SLC24A2: variants seen among roughly 807,000 people sequenced by gnomAD.
The protein encoded by SLC24A2 is sodium/potassium/calcium exchanger 2.
A neutral mutation model predicts 62.0 loss-of-function variants in SLC24A2; 36 were observed. The ratio of observed to expected loss-of-function variants is 0.58; its 90% CI spans 0.44 to 0.77. The LOEUF is 0.77. Among genes scored for constraint, SLC24A2 ranks in the 30% least tolerant of loss-of-function variants. SLC24A2 has a pLI of 0.00. For synonymous variants in SLC24A2, 358 were observed against 294.0 expected, an observed-to-expected ratio of 1.22 and a Z score of -2.23; for missense variants, 846 against 817.9, an observed-to-expected ratio of 1.03 and a Z score of -0.42.
At chr9:19,554,265 C>T (rs776944530) in intron 7 of SLC24A2, among the ~76,000 whole-genome samples, 4 of 152,166 alleles carry the variant, frequency 2.6e-5, no homozygotes, top group Admixed American at 6.5e-5. Context: ...GGACTTCTAG[C>T]GTCCAGAACT....
chr9:19,890,400 C>T, the SLC24A2 span, among the ~76,000 whole-genome samples: 1 of 152,104 alleles, frequency 6.6e-6, no homozygotes, highest in African/African-American at 2.4e-5. Flanking sequence ...TCCAAGTTGC[C>T]AGTGATCCAA....
At chr9:20,002,967 G>A in the SLC24A2 span, among the ~76,000 whole-genome samples, 2 of 152,140 alleles carry the variant, frequency 1.3e-5, no homozygotes, top group African/African-American at 4.8e-5. Flanking sequence ...TCTGTGCTTG[G>A]TTTAATGGTC....
chr9:20,031,928 A>G, the SLC24A2 span, among the ~76,000 whole-genome samples: 1 of 152,198 alleles, frequency 6.6e-6, no homozygotes, highest in South Asian at 2.1e-4. Flanking sequence ...AAATACTCCC[A>G]TAATCACCGA....
At chr9:20,252,481 T>C in the SLC24A2 span, among the ~76,000 whole-genome samples, 4 of 152,208 alleles carry the variant, frequency 2.6e-5, no homozygotes, top group Non-Finnish European at 5.9e-5. Context: ...CTAGTCTTTC[T>C]ACTACACCAC....
chr9:20,198,597 G>A, the SLC24A2 span, among the ~76,000 whole-genome samples: 1 of 152,112 alleles, frequency 6.6e-6, no homozygotes, highest in Non-Finnish European at 1.5e-5. Flanking sequence ...ATATACTCAT[G>A]GCTGGGTGGG....
At chr9:19,961,023 G>GCGT in the SLC24A2 span, among the ~76,000 whole-genome samples, 1 of 141,618 alleles carries the variant, frequency 7.1e-6, no homozygotes, top group Non-Finnish European at 1.5e-5. Context: ...TAGAGGGGTG[G>GCGT]GTGTGTGTGT....
At chr9:20,167,667 C>G in the SLC24A2 span, among the ~76,000 whole-genome samples, 1 of 151,988 alleles carries the variant, frequency 6.6e-6, no homozygotes, top group Non-Finnish European at 1.5e-5. Context: ...ACTAGAACAT[C>G]TTGTTGTTCC....
the SLC24A2 span, among the ~76,000 whole-genome samples, chr9:20,264,049 T>C: frequency 1.3e-5 from 2 of 152,132 alleles, no homozygotes; most frequent in Admixed American, 1.3e-4. Flanking sequence ...TGCTTCTTCC[T>C]CCTGCCAATC....
At chr9:19,833,525 G>T in the SLC24A2 span, among the ~76,000 whole-genome samples, 10 of 152,238 alleles carry the variant, frequency 6.6e-5, no homozygotes, top group Non-Finnish European at 1.2e-4. Context: ...AGCGAGGCTG[G>T]GGGAGGGGCG....
At chr9:20,098,480 T>C in the SLC24A2 span, among the ~76,000 whole-genome samples, 1 of 152,204 alleles carries the variant, frequency 6.6e-6, no homozygotes, top group Non-Finnish European at 1.5e-5. Context: ...TCTCCTTTCA[T>C]TACCCTCTAG....
chr9:20,246,467 T>C, the SLC24A2 span, among the ~76,000 whole-genome samples: 1 of 152,184 alleles, frequency 6.6e-6, no homozygotes, highest in Non-Finnish European at 1.5e-5. Flanking sequence ...CATGCAAACA[T>C]TCAGTCAGGA....
the SLC24A2 span, among the ~76,000 whole-genome samples, chr9:19,840,897 A>G: frequency 6.6e-6 from 1 of 152,184 alleles, no homozygotes; most frequent in East Asian, 1.9e-4. Context: ...TTTTTTAAAG[A>G]ATTATCCATG....
chr9:19,831,409 A>G, the SLC24A2 span, among the ~76,000 whole-genome samples: 2 of 152,162 alleles, frequency 1.3e-5, no homozygotes, highest in African/African-American at 2.4e-5. Flanking sequence ...CTCTTTAACT[A>G]TCCTTTCCAC....
chr9:19,994,328 G>A, the SLC24A2 span, among the ~76,000 whole-genome samples: 1 of 152,100 alleles, frequency 6.6e-6, no homozygotes, highest in African/African-American at 2.4e-5. Context: ...TGGAAAGACA[G>A]CCTTAGCATG....
chr9:19,556,487 T>G (rs1412210107), intron 7 of SLC24A2, among the ~76,000 whole-genome samples: 1 of 152,208 alleles, frequency 6.6e-6, no homozygotes, highest in Non-Finnish European at 1.5e-5. Flanking sequence ...AGGAGGCATC[T>G]GAAAATAGGC....
At chr9:19,928,941 C>T in the SLC24A2 span, 1 of 152,194 alleles carries the variant, frequency 6.6e-6, no homozygotes, top group Non-Finnish European at 1.5e-5. Context: ...TCCTGACCTG[C>T]AAGTCTCCCT....
At chr9:19,655,749 G>C (rs1564020660) in intron 2 of SLC24A2, among the ~76,000 whole-genome samples, 1 of 152,092 alleles carries the variant, frequency 6.6e-6, no homozygotes, top group Non-Finnish European at 1.5e-5. Context: ...TGGATAATGG[G>C]TTTCAACTCC....
chr9:20,285,313 T>C, the SLC24A2 span, among the ~76,000 whole-genome samples: 1 of 152,210 alleles, frequency 6.6e-6, no homozygotes, highest in Non-Finnish European at 1.5e-5. Flanking sequence ...AGGTTTATTA[T>C]AAGGAGTTGG....
chr9:19,738,997 G>T (rs904365068), intron 2 of SLC24A2, among the ~76,000 whole-genome samples: 2 of 151,934 alleles, frequency 1.3e-5, no homozygotes, highest in African/African-American at 2.4e-5. Context: ...CGCACCGGTA[G>T]TCCCAGCTAC....
Sources: allele counts gnomAD v4.1 joint callset (sites outside exome capture counted in the v4.1 genomes callset), GRCh38; gene constraint gnomAD v4.1.1; transcripts MANE v1.5; gene names NCBI Gene and HGNC (gene_info 2026-07-23, HGNC 2026-07-21).